The following SF3B3 variants were observed in gnomAD, a reference collection of about 807,000 sequenced individuals.
The protein encoded by SF3B3 is SAP 130.
A neutral mutation model predicts 139.2 loss-of-function variants in SF3B3; 33 were observed. The observed-to-expected ratio is 0.24, with a 90% confidence interval of 0.18 to 0.32. SF3B3 has a LOEUF of 0.32. Among genes scored for constraint, SF3B3 ranks in the 10% least tolerant of loss-of-function variants. The pLI, the probability that SF3B3 is intolerant of heterozygous loss-of-function variation, is 1.00. For missense variants in SF3B3, 818 were observed against 1,509.4 expected (o/e 0.54, Z 7.59); for synonymous variants, 596 against 563.6 (o/e 1.06, Z -0.81).
rs774820694 is a variant in SF3B3, at chr16:70,572,317, G to C, written c.*504G>C. ...AAGGTGACTGGCATCCATGTGTCTTGTTCTGGAGATGAGGATGTAGGTGGG... is the reference window on the plus strand; with the variant it reads ...AAGGTGACTGGCATCCATGTGTCTTCTTCTGGAGATGAGGATGTAGGTGGG... On this transcript the variant is annotated 3_prime_UTR_variant, in exon 26 of 26. Coordinates refer to ENST00000302516, the MANE Select transcript of SF3B3 (RefSeq NM_012426.5). 1 of 300,426 alleles carries C rather than the reference G, an allele frequency of 3.3e-6. No individual in the cohort carries two copies. The highest frequency in any genetic ancestry group is 6.6e-6 in the Non-Finnish European group (1 of 152,228). The allele number at this position is 300,426 out of a possible 1,614,324, so 18.6% of individuals were successfully genotyped here. A position where few individuals can be genotyped will look rare whatever the true frequency, so the allele number is the denominator to read the frequency against.
chr16:70,565,223 G>A lies in SF3B3; in HGVS notation c.2622G>A (p.Gly874=), dbSNP rs778097098. The A allele has an allele frequency of 2.5e-6, 4 of 1,614,206 alleles. No homozygotes were observed. The highest frequency in any genetic ancestry group is 3.4e-6 in the Non-Finnish European group (4 of 1,180,040). ...TCCGAGTGATGAATCCCATTCAAGG[G>A]AACACACTGGACCTTGTCCAGCTGG... ...SVIRVMNPIQ[G]NTLDLVQLEQ... The change falls in exon 19 of 26, where the codon GGG becomes GGA. Residue 874 remains glycine (G), a synonymous_variant. Coordinates refer to ENST00000302516, the MANE Select transcript of SF3B3 (RefSeq NM_012426.5).
chr16:70,563,706 G>T, intron 17 of SF3B3, 170 bp from the exon 18 acceptor site: 1 of 596,934 alleles, frequency 1.7e-6, no homozygotes, highest in Non-Finnish European at 2.9e-6. Context: ...CTGGATCTCT[G>T]TGTCTGCATC....
intron 15 of SF3B3, among the ~76,000 whole-genome samples, chr16:70,558,724 G>A (rs2050401000): frequency 6.6e-6 from 1 of 152,136 alleles, no homozygotes; most frequent in South Asian, 2.1e-4. Flanking sequence ...AGCCTCCTGA[G>A]TAGCTGGGTT....
At chr16:70,556,158 G>A (rs369098989) in intron 13 of SF3B3, 21 bp from the exon 14 acceptor site, 2 of 1,613,772 alleles carry the variant, frequency 1.2e-6, no homozygotes, top group Non-Finnish European at 1.7e-6. Flanking sequence ...TTTTGACCTT[G>A]CTGTGTCTTT....
chr16:70,541,953 A>G, intron 9 of SF3B3, 119 bp downstream of exon 9: 1 of 846,358 alleles, frequency 1.2e-6, no homozygotes, highest in East Asian at 2.5e-5. Flanking sequence ...AGTTAGAGGT[A>G]GAAGTTTGAG....
rs1020889310 is a variant in SF3B3 at position 70,567,184 on chromosome 16, C to T, written c.2827-227C>T. On this transcript the variant is annotated intron_variant, in intron 20 of 25. Coordinates refer to ENST00000302516, the MANE Select transcript of SF3B3 (RefSeq NM_012426.5). ...CAGAGCACAAGCTCTGGACAGCAGT[C>T]GTCTGGTACCAGAACTTCTTGTCAG... is the stretch of plus-strand genomic sequence containing the variant. Among the ~76,000 whole-genome samples, 4 of 152,176 alleles carry T rather than the reference C, an allele frequency of 2.6e-5. No homozygotes were observed. The East Asian group carries it at 5.8e-4, about 22-fold the overall frequency.
chr16:70,535,072 G>T (rs1274634087), intron 5 of SF3B3, among the ~76,000 whole-genome samples: 1 of 152,146 alleles, frequency 6.6e-6, no homozygotes, highest in Admixed American at 6.5e-5. Context: ...CTGCATTTGG[G>T]CTTGGAGGTA....
At position 70,554,586 on chromosome 16, in the gene SF3B3, G is replaced by T; in HGVS notation, c.1543G>T (p.Ala515Ser). ...TLSCSLLGDD[A>S]LVQVYPDGIR... ...GTCCTGCTCCTTATTAGGAGATGATGCCTTGGTGCAGGTGAGGGTTCTCAG... is the reference window on the plus strand; with the variant it reads ...GTCCTGCTCCTTATTAGGAGATGATTCCTTGGTGCAGGTGAGGGTTCTCAG... Residue 515 changes from alanine (A) to serine (S), a missense_variant, in exon 12 of 26, where the codon GCC (alanine) becomes TCC (serine). Coordinates refer to ENST00000302516, the MANE Select transcript of SF3B3 (RefSeq NM_012426.5). 1 of 1,614,144 alleles carries T rather than the reference G, an allele frequency of 6.2e-7. No homozygotes were observed.
chr16:70,533,505 C>G (rs971818703), intron 5 of SF3B3, among the ~76,000 whole-genome samples: 1 of 152,052 alleles, frequency 6.6e-6, no homozygotes. Flanking sequence ...AGCTAACATT[C>G]CAGCAAATCA....
At chr16:70,565,635 TC>T in intron 20 of SF3B3, 111 bp downstream of exon 20, 1 of 964,290 alleles carries the variant, frequency 1.0e-6, no homozygotes, top group Non-Finnish European at 1.5e-6. Context: ...TTCCAATCTC[TC>T]TCTTACCAGC....
intron 15 of SF3B3, 59 bp downstream of exon 15, chr16:70,557,088 C>T: frequency 6.7e-7 from 1 of 1,492,084 alleles, no homozygotes; most frequent in Non-Finnish European, 9.0e-7. Flanking sequence ...TTCACACACT[C>T]CTTTGTTTGA....
intron 10 of SF3B3, among the ~76,000 whole-genome samples, chr16:70,544,789 C>G (rs1039895908): frequency 1.3e-5 from 2 of 151,118 alleles, no homozygotes; most frequent in South Asian, 2.1e-4. Context: ...CTCTTGAGCT[C>G]AAGTGATTAT....
intron 25 of SF3B3, among the ~76,000 whole-genome samples, chr16:70,571,463 G>T (rs532091346): frequency 1.8e-4 from 27 of 152,254 alleles, no homozygotes; most frequent in East Asian, 5.8e-4. Flanking sequence ...CACATTTGTG[G>T]TCCCAGCCAA....
At chr16:70,556,135 C>T in intron 13 of SF3B3, 44 bp from the exon 14 acceptor site, 2 of 1,607,066 alleles carry the variant, frequency 1.2e-6, no homozygotes, top group Non-Finnish European at 8.5e-7. Flanking sequence ...CATCTAGACC[C>T]ATCCCTCTGT....
intron 2 of SF3B3, among the ~76,000 whole-genome samples, chr16:70,528,487 T>C (rs80258043): frequency 8.6e-6 from 1 of 116,780 alleles, no homozygotes; most frequent in East Asian, 2.8e-4. Context: ...TTTTTTTTTT[T>C]TAGAGACGAT....
chr16:70,571,586 G>A, intron 25 of SF3B3, 87 bp from the exon 26 acceptor site: 1 of 1,422,788 alleles, frequency 7.0e-7, no homozygotes, highest in Non-Finnish European at 9.5e-7. Context: ...AATAAAAACA[G>A]CTTTCCCTAC....
chr16:70,575,457 C>G lies in SF3B3; in HGVS notation c.*3644C>G, dbSNP rs2050571537. The stretch of plus-strand genomic sequence containing the variant: ...CAGGTGATCCACCCACCTTGGTCTC[C>G]CAAAGCGCTGGGATTACAGGCGTGA... On this transcript the variant is annotated 3_prime_UTR_variant, in exon 26 of 26. Coordinates refer to ENST00000302516, the MANE Select transcript of SF3B3 (RefSeq NM_012426.5). The G allele has an allele frequency of 6.6e-6, 1 of 152,270 alleles. No individual in the cohort carries two copies. The highest frequency in any genetic ancestry group is 2.4e-5 in the African/African-American group (1 of 41,414). The allele number at this position is 152,270 out of a possible 1,614,324, so 9.4% of individuals were successfully genotyped here. A position where few individuals can be genotyped will look rare whatever the true frequency, so the allele number is the denominator to read the frequency against.
At chr16:70,563,587 A>C (rs2050449157) in intron 17 of SF3B3, 1 of 279,458 alleles carries the variant, frequency 3.6e-6, no homozygotes, top group Non-Finnish European at 6.7e-6. Context: ...GCTCTTTATT[A>C]TCATTGGAGT....
chr16:70,538,476 A>G lies in SF3B3; in HGVS notation c.963+16A>G, dbSNP rs912975900. The G allele has an allele frequency of 3.7e-6, 6 of 1,602,296 alleles. No homozygotes were observed. The highest frequency in any genetic ancestry group is 2.7e-5 in the African/African-American group (2 of 74,718). On this transcript the variant is annotated intron_variant, in intron 7 of 25. Coordinates refer to ENST00000302516, the MANE Select transcript of SF3B3 (RefSeq NM_012426.5). The stretch of plus-strand genomic sequence containing the variant: ...TGAAGATATGGTAAGTAGACCATGG[A>G]TGGACCAGTATAGCTACTCTATGAG...
Sources: gnomAD v4.1 joint callset for allele counts (sites outside exome capture counted in the v4.1 genomes callset) on GRCh38, gnomAD v4.1.1 for gene constraint, MANE v1.5 for transcripts, NCBI Gene and HGNC (gene_info 2026-07-23, HGNC 2026-07-21) for gene names.